The following KCNT2 variants were observed in gnomAD, a reference collection of about 807,000 sequenced individuals.
KCNT2 encodes potassium sodium-activated channel subfamily T member 2, also known as potassium channel subfamily T member 2.
A neutral mutation model predicts 153.8 loss-of-function variants in KCNT2; 67 were observed. The ratio of observed to expected loss-of-function variants is 0.44; its 90% CI spans 0.36 to 0.53. The LOEUF (loss-of-function observed/expected upper bound fraction) is 0.53. Among genes scored for constraint, KCNT2 ranks in the 20% least tolerant of loss-of-function variants. The probability of loss-of-function intolerance (pLI) is 0.00; values close to 1 mark genes in which losing one functional copy is unlikely to be tolerated. For synonymous variants in KCNT2, 500 were observed against 458.8 expected, an observed-to-expected ratio of 1.09 and a Z score of -1.15; for missense variants, 975 against 1,354.8, an observed-to-expected ratio of 0.72 and a Z score of 4.40.
At chr1:196,408,598 C>T (rs568660696) in intron 12 of KCNT2, among the ~76,000 whole-genome samples, 12 of 151,548 alleles carry the variant, frequency 7.9e-5, no homozygotes, top group South Asian at 2.1e-4. Flanking sequence ...CAATTTAATG[C>T]GTTGCATTTT....
intron 14 of KCNT2, among the ~76,000 whole-genome samples, chr1:196,351,033 T>G (rs1666636917): frequency 6.6e-6 from 1 of 152,192 alleles, no homozygotes; most frequent in Non-Finnish European, 1.5e-5. Flanking sequence ...GCGTTATTTC[T>G]GAGGGCTCTG....
At chr1:196,475,558 C>A (rs772309870) in intron 5 of KCNT2, among the ~76,000 whole-genome samples, 2 of 151,520 alleles carry the variant, frequency 1.3e-5, no homozygotes, top group African/African-American at 2.4e-5. Context: ...GAGGTAGAGA[C>A]AATCACGCCA....
intron 26 of KCNT2, among the ~76,000 whole-genome samples, chr1:196,247,529 C>T (rs113187759): frequency 0.011 from 1,642 of 152,290 alleles, 32 homozygotes; most frequent in African/African-American, 0.035. Context: ...AATTGACTCA[C>T]AGTTCCGCAT....
At chr1:196,294,800 T>C (rs1000684877) in intron 22 of KCNT2, among the ~76,000 whole-genome samples, 1 of 151,446 alleles carries the variant, frequency 6.6e-6, no homozygotes, top group African/African-American at 2.4e-5. Flanking sequence ...ATGATATATA[T>C]ATATATATAC....
chr1:196,254,536 C>T (rs538201506), intron 26 of KCNT2, among the ~76,000 whole-genome samples: 12 of 151,402 alleles, frequency 7.9e-5, no homozygotes, highest in South Asian at 2.1e-4. Flanking sequence ...GTTGGTAATA[C>T]GTTTTAGGAT....
At chr1:196,505,892 A>T (rs746901317) in intron 1 of KCNT2, among the ~76,000 whole-genome samples, 13 of 152,036 alleles carry the variant, frequency 8.6e-5, no homozygotes, top group Non-Finnish European at 1.5e-4. Context: ...TTTGTCTGTT[A>T]TTGGTGTATA....
chr1:196,593,827 C>T (rs1443324598), intron 1 of KCNT2, among the ~76,000 whole-genome samples: 2 of 152,008 alleles, frequency 1.3e-5, no homozygotes, highest in Non-Finnish European at 2.9e-5. Context: ...ACTTAGAACA[C>T]GTTGTTTAGA....
chr1:196,312,448 A>G (rs1008488320), intron 21 of KCNT2, among the ~76,000 whole-genome samples: 1 of 151,696 alleles, frequency 6.6e-6, no homozygotes, highest in African/African-American at 2.4e-5. Flanking sequence ...GAGAGAAGGA[A>G]CGAATCAGGG....
intron 8 of KCNT2, among the ~76,000 whole-genome samples, chr1:196,449,335 T>C (rs1011704928): frequency 1.5e-4 from 23 of 151,810 alleles, no homozygotes; most frequent in African/African-American, 5.1e-4. Flanking sequence ...CCAAAACTTA[T>C]ACATAAAGAC....
At chr1:196,498,707 G>T (rs755957142) in intron 1 of KCNT2, among the ~76,000 whole-genome samples, 1 of 152,124 alleles carries the variant, frequency 6.6e-6, no homozygotes, top group Non-Finnish European at 1.5e-5. Context: ...CTAGATTGTG[G>T]CATCCTGCTA....
chr1:196,551,337 C>T (rs936714692), intron 1 of KCNT2, among the ~76,000 whole-genome samples: 7 of 151,742 alleles, frequency 4.6e-5, no homozygotes, highest in African/African-American at 1.7e-4. Context: ...AAGAGTAGGG[C>T]TAGATGGAAT....
At chr1:196,549,002 TTGTGG>T in intron 1 of KCNT2, among the ~76,000 whole-genome samples, 1 of 151,274 alleles carries the variant, frequency 6.6e-6, no homozygotes, top group African/African-American at 2.4e-5. Context: ...CTGGGGACTG[TTGTGG>T]GGTGGGGGAG....
At chr1:196,339,896 T>G (rs932397498) in intron 16 of KCNT2, among the ~76,000 whole-genome samples, 1 of 151,770 alleles carries the variant, frequency 6.6e-6, no homozygotes, top group Non-Finnish European at 1.5e-5. Context: ...GAAGAATATT[T>G]GAAATAGCCT....
chr1:196,469,719 C>A (rs904603447), intron 5 of KCNT2, among the ~76,000 whole-genome samples: 2 of 152,078 alleles, frequency 1.3e-5, no homozygotes, highest in African/African-American at 4.8e-5. Context: ...GGTTGTGGAA[C>A]CTTGTGCTGA....
chr1:196,320,043 T>C (rs1663131534), intron 19 of KCNT2, among the ~76,000 whole-genome samples: 1 of 151,792 alleles, frequency 6.6e-6, no homozygotes, highest in South Asian at 2.1e-4. Flanking sequence ...ATATAATATG[T>C]CAGTATGTCA....
At chr1:196,379,880 G>GA (rs1669328350) in intron 13 of KCNT2, among the ~76,000 whole-genome samples, 2 of 151,732 alleles carry the variant, frequency 1.3e-5, no homozygotes, top group Admixed American at 6.6e-5. Context: ...ATTGTCTGAG[G>GA]AAAAAAATAG....
rs1450717790 is a variant in KCNT2 at position 196,486,710 on chromosome 1, C to G, written c.275+3128G>C. 1.0e-3 allele frequency among the ~76,000 whole-genome samples: 6 copies of G among 5,724 alleles called. No individual in the cohort carries two copies. The Admixed American group carries it at 0.02, about 19-fold the overall frequency. The allele number at this position is 5,724 out of a possible 152,430, so 3.8% of individuals were successfully genotyped here. A position where few individuals can be genotyped will look rare whatever the true frequency, so the allele number is the denominator to read the frequency against. Reference sequence around the variant, plus strand: ...AAGATGAACTCAAAGACTGGTAGCTCTAAAAAAAAACCCTAATATAAGCTT... The same window carrying G: ...AAGATGAACTCAAAGACTGGTAGCTGTAAAAAAAAACCCTAATATAAGCTT... On this transcript the variant is annotated intron_variant, in intron 3 of 27. Transcript: ENST00000294725.
At chr1:196,598,779 CAG>C (rs1664380727) in intron 1 of KCNT2, among the ~76,000 whole-genome samples, 1 of 152,116 alleles carries the variant, frequency 6.6e-6, no homozygotes, top group Non-Finnish European at 1.5e-5. Flanking sequence ...GGAAAAATAA[CAG>C]AATTTCTCAG....
intron 26 of KCNT2, among the ~76,000 whole-genome samples, chr1:196,256,946 T>C (rs1055028310): frequency 2.0e-5 from 3 of 152,088 alleles, no homozygotes; most frequent in African/African-American, 7.2e-5. Flanking sequence ...TTACTTTTTC[T>C]TTTAATTTGC....
Sources: gnomAD v4.1 joint callset for allele counts (sites outside exome capture counted in the v4.1 genomes callset) on GRCh38, gnomAD v4.1.1 for gene constraint, MANE v1.5 for transcripts, NCBI Gene and HGNC (gene_info 2026-07-23, HGNC 2026-07-21) for gene names.